The following PRKCH variants were observed in gnomAD, a reference collection of about 807,000 sequenced individuals.
PRKCH encodes protein kinase C eta, also known as protein kinase C eta type.
PRKCH carries 28 observed loss-of-function variants against 82.5 expected under a neutral mutation model. That is an observed-to-expected ratio of 0.34 (90% confidence interval 0.25 to 0.47). The LOEUF (loss-of-function observed/expected upper bound fraction) is 0.47, where lower values mean the gene tolerates loss of function less well. Ranked by LOEUF, PRKCH falls within the 20% of genes least tolerant of loss-of-function variation. PRKCH has a pLI of 1.00. For missense variants in PRKCH, 705 were observed against 881.8 expected (o/e 0.80, Z 2.54); for synonymous variants, 322 against 327.4 (o/e 0.98, Z 0.18).
At chr14:61,455,577 G>C (rs1338415226) in intron 7 of PRKCH, among the ~76,000 whole-genome samples, 1 of 152,194 alleles carries the variant, frequency 6.6e-6, no homozygotes, top group Non-Finnish European at 1.5e-5. Flanking sequence ...GCATGGGACA[G>C]TTATCCCTGA....
intron 9 of PRKCH, among the ~76,000 whole-genome samples, chr14:61,474,374 C>T (rs1461139663): frequency 2.0e-5 from 3 of 152,210 alleles, no homozygotes; most frequent in East Asian, 1.9e-4. Flanking sequence ...AGCTCCACCT[C>T]TTTTAATTTA....
intron 10 of PRKCH, among the ~76,000 whole-genome samples, chr14:61,513,779 C>T (rs1410196894): frequency 1.3e-5 from 2 of 152,092 alleles, no homozygotes; most frequent in Non-Finnish European, 2.9e-5. Context: ...ACTTTTACCT[C>T]ACCATGGGTC....
chr14:61,506,078 G>A (rs1197921246), intron 10 of PRKCH, among the ~76,000 whole-genome samples: 1 of 152,074 alleles, frequency 6.6e-6, no homozygotes, highest in Admixed American at 6.5e-5. Context: ...ACCAGGCCTG[G>A]TTCAGTCTTA....
At chr14:61,196,992 C>A (rs1383109161) in intron 1 of PRKCH, among the ~76,000 whole-genome samples, 1 of 152,138 alleles carries the variant, frequency 6.6e-6, no homozygotes, top group African/African-American at 2.4e-5. Flanking sequence ...GAGACTAGGA[C>A]ACCTAGAGGA....
intron 1 of PRKCH, among the ~76,000 whole-genome samples, chr14:61,388,421 T>C (rs2046623018): frequency 6.6e-6 from 1 of 152,210 alleles, no homozygotes; most frequent in African/African-American, 2.4e-5. Context: ...TCCTGCTGTC[T>C]GTCAGAGTAG....
At chr14:61,333,622 C>T (rs764717994) in intron 1 of PRKCH, among the ~76,000 whole-genome samples, 1 of 151,234 alleles carries the variant, frequency 6.6e-6, no homozygotes, top group Non-Finnish European at 1.5e-5. Context: ...ATTTTAGGAC[C>T]TATTTGGTTG....
chr14:61,367,993 C>T (rs1274748187), intron 1 of PRKCH, among the ~76,000 whole-genome samples: 2 of 152,042 alleles, frequency 1.3e-5, no homozygotes, highest in African/African-American at 2.4e-5. Context: ...GGATTACAGG[C>T]GTGAGCCACC....
At position 61,211,136 on chromosome 14, in the gene PRKCH, C is replaced by T. The variant is rs1332969655; in HGVS notation, c.-19+23468C>T. Among the ~76,000 whole-genome samples, 3 of 152,160 alleles carry T rather than the reference C, an allele frequency of 2.0e-5. No individual in the cohort carries two copies. In the East Asian group the frequency reaches 5.8e-4, roughly 29 times the overall value. ...CCAGGCTTGATACTGAATTGCCCTG[C>T]AGAAGAAGCTGGTGCCCTTTGCCAG... On this transcript the variant is annotated intron_variant, in intron 1 of 3. Coordinates refer to the PRKCH transcript ENST00000555185.
chr14:61,386,344 T>C (rs2046586891), intron 1 of PRKCH, among the ~76,000 whole-genome samples: 1 of 152,220 alleles, frequency 6.6e-6, no homozygotes, highest in South Asian at 2.1e-4. Context: ...GGTCAGATTT[T>C]AATTTTTGAA....
chr14:61,529,068 C>G lies in PRKCH; in HGVS notation c.1434-7C>G. 6.2e-7 allele frequency: 1 copy of G among 1,606,714 alleles called. No individual in the cohort carries two copies. Among genetic ancestry groups the G allele is most frequent in the Non-Finnish European group, 8.5e-7 (1 of 1,176,148 alleles). ...CCCTATCTCGTGCTGCTCTTTGTAT[C>G]TTTCAGAGATCTGAAACTGGACAAT... On this transcript the variant is annotated splice_region_variant and splice_polypyrimidine_tract_variant and intron_variant, in intron 10 of 13. Transcript: ENST00000332981.
chr14:61,399,755 A>C (rs141413594), intron 2 of PRKCH, among the ~76,000 whole-genome samples: 5 of 152,278 alleles, frequency 3.3e-5, no homozygotes, highest in Admixed American at 2.0e-4. Flanking sequence ...AAAGGTTCTT[A>C]GTGTACTTGT....
chr14:61,363,535 G>A (rs1275558387), intron 1 of PRKCH, among the ~76,000 whole-genome samples: 1 of 152,152 alleles, frequency 6.6e-6, no homozygotes, highest in South Asian at 2.1e-4. Context: ...AGTTCTGGTG[G>A]CCATTTTGAA....
At chr14:61,392,580 A>G (rs1490232618) in intron 2 of PRKCH, among the ~76,000 whole-genome samples, 1 of 152,096 alleles carries the variant, frequency 6.6e-6, no homozygotes, top group Admixed American at 6.5e-5. Flanking sequence ...CCTGTTTTCT[A>G]AAATTGGATT....
intron 10 of PRKCH, among the ~76,000 whole-genome samples, chr14:61,526,613 G>A (rs1261503673): frequency 6.6e-6 from 1 of 152,230 alleles, no homozygotes; most frequent in Admixed American, 6.5e-5. Context: ...AGCCAGCAAC[G>A]TGATCCAGGC....
At chr14:61,329,177 C>G (rs1395586086) in intron 1 of PRKCH, among the ~76,000 whole-genome samples, 2 of 139,468 alleles carry the variant, frequency 1.4e-5, no homozygotes, top group South Asian at 2.4e-4. Flanking sequence ...ATAGTCATTT[C>G]TTTATTTAAA....
intron 1 of PRKCH, among the ~76,000 whole-genome samples, chr14:61,218,733 C>T (rs138297337): frequency 1.3e-5 from 2 of 152,258 alleles, no homozygotes; most frequent in African/African-American, 2.4e-5. Context: ...GAAAAAATAT[C>T]ATGGCATTTG....
chr14:61,341,240 G>A (rs1327870174), intron 1 of PRKCH, among the ~76,000 whole-genome samples: 1 of 152,148 alleles, frequency 6.6e-6, no homozygotes, highest in Non-Finnish European at 1.5e-5. Flanking sequence ...TATGAGCTAA[G>A]TACTAATGGA....
At chr14:61,470,712 C>G (rs138499308) in intron 9 of PRKCH, among the ~76,000 whole-genome samples, 1 of 152,274 alleles carries the variant, frequency 6.6e-6, no homozygotes, top group Non-Finnish European at 1.5e-5. Flanking sequence ...TTAGGTGTTA[C>G]AAATGGGAGT....
chr14:61,253,809 C>T (rs1055765000), intron 1 of PRKCH, among the ~76,000 whole-genome samples: 1 of 152,148 alleles, frequency 6.6e-6, no homozygotes, highest in African/African-American at 2.4e-5. Context: ...GTGTCCACTG[C>T]AAAGTGTTAC....
Sources: gnomAD v4.1 joint callset for allele counts (sites outside exome capture counted in the v4.1 genomes callset) on GRCh38, gnomAD v4.1.1 for gene constraint, MANE v1.5 for transcripts, NCBI Gene and HGNC (gene_info 2026-07-23, HGNC 2026-07-21) for gene names.